The following OSTM1 variants were observed in gnomAD, a reference collection of about 807,000 sequenced individuals.
OSTM1 encodes osteopetrosis-associated transmembrane protein 1.
In OSTM1, 26 loss-of-function variants were observed where a neutral mutation model predicts 35.4. The ratio of observed to expected loss-of-function variants is 0.73; its 90% CI spans 0.54 to 1.02. The LOEUF is 1.02. Ranked by LOEUF, OSTM1 falls within the 50% of genes least tolerant of loss-of-function variation. OSTM1 has a pLI of 0.00. For synonymous variants in OSTM1, 181 were observed against 165.0 expected (o/e 1.10, Z -0.75); for missense variants, 366 against 409.6 (o/e 0.89, Z 0.92).
chr6:108,049,730 C>T, intron 4 of OSTM1: 1 of 269,016 alleles, frequency 3.7e-6, no homozygotes, highest in Non-Finnish European at 6.9e-6. Context: ...ATAGTTAGGC[C>T]CTGTTTTATT....
intron 4 of OSTM1, among the ~76,000 whole-genome samples, chr6:108,050,746 A>G (rs952093955): frequency 6.6e-5 from 10 of 152,158 alleles, no homozygotes; most frequent in African/African-American, 2.4e-4. Flanking sequence ...AATGGCACAT[A>G]TTTTCAAATT....
chr6:108,072,831 C>T (rs1308495087), intron 1 of OSTM1, among the ~76,000 whole-genome samples: 1 of 152,058 alleles, frequency 6.6e-6, no homozygotes, highest in Non-Finnish European at 1.5e-5. Flanking sequence ...AATCTTGGCT[C>T]ACCCCAACCT....
rs995013101 is a variant in OSTM1 at position 108,042,702 on chromosome 6, G to A, written c.*2083C>T. The stretch of plus-strand genomic sequence containing the variant: ...GCTGCAAATACAGGTATGAGACACT[G>A]TGTCCAGCTGATGGTACTCATAAAA... On this transcript the variant is annotated 3_prime_UTR_variant, in exon 6 of 6. Transcript: ENST00000193322. 6.6e-6 allele frequency: 1 copy of A among 152,102 alleles called. No homozygotes were observed. Among genetic ancestry groups the A allele is most frequent in the Admixed American group, 6.6e-5 (1 of 15,262 alleles). 9.4% of individuals were successfully genotyped at this position (152,102 alleles called of 1,614,324 possible).
In OSTM1 at chr6:108,041,997, C is replaced by G. The variant is rs1771874896; in HGVS notation, c.*2788G>C. 1 of 152,086 alleles carries G rather than the reference C, an allele frequency of 6.6e-6. No homozygotes were observed. Among genetic ancestry groups the G allele is most frequent in the African/African-American group, 2.4e-5 (1 of 41,404 alleles). The allele number at this position is 152,086 out of a possible 1,614,324, so 9.4% of individuals were successfully genotyped here. On this transcript the variant is annotated 3_prime_UTR_variant, in exon 6 of 6. Transcript: ENST00000193322. ...GTCTATTACTTATTTGATGTCATGT[C>G]TTTGGCCAGGAATGCAATCCTAATT...
At chr6:108,065,217 A>G (rs1772355834) in intron 1 of OSTM1, among the ~76,000 whole-genome samples, 1 of 151,620 alleles carries the variant, frequency 6.6e-6, no homozygotes. Context: ...TACCAGCCAT[A>G]GAAGAAAATT....
At chr6:108,073,041 C>T (rs1772514433) in intron 1 of OSTM1, among the ~76,000 whole-genome samples, 2 of 152,194 alleles carry the variant, frequency 1.3e-5, no homozygotes. Flanking sequence ...AACTCCTGAC[C>T]TCAGGTGATC....
intron 3 of OSTM1, among the ~76,000 whole-genome samples, chr6:108,052,998 C>T (rs1772106288): frequency 6.6e-6 from 1 of 152,198 alleles, no homozygotes; most frequent in Non-Finnish European, 1.5e-5. Context: ...GAACCTCTCC[C>T]TTTTTGCTAA....
At chr6:108,074,153 G>T (rs1772539711) in intron 1 of OSTM1, 97 bp downstream of exon 1, 7 of 1,224,688 alleles carry the variant, frequency 5.7e-6, no homozygotes, top group Admixed American at 4.1e-5. Flanking sequence ...TTTTCTTACT[G>T]TTGGGGAAAC....
chr6:108,056,787 C>A (rs1201729121), intron 2 of OSTM1, among the ~76,000 whole-genome samples: 1 of 152,178 alleles, frequency 6.6e-6, no homozygotes, highest in Non-Finnish European at 1.5e-5. Flanking sequence ...CTCACATACT[C>A]TACATTCTCT....
chr6:108,055,702 C>G (rs1772159794), intron 2 of OSTM1, among the ~76,000 whole-genome samples: 1 of 152,152 alleles, frequency 6.6e-6, no homozygotes, highest in Admixed American at 6.6e-5. Flanking sequence ...ACTTTCTGTA[C>G]TCTCAGTCTG....
intron 1 of OSTM1, among the ~76,000 whole-genome samples, chr6:108,070,934 A>G (rs1321853029): frequency 6.6e-6 from 1 of 150,846 alleles, no homozygotes; most frequent in Non-Finnish European, 1.5e-5. Flanking sequence ...CACACCTGTA[A>G]TCCCAGCACT....
chr6:108,055,953 T>A (rs1293480637), intron 2 of OSTM1, among the ~76,000 whole-genome samples: 1 of 152,112 alleles, frequency 6.6e-6, no homozygotes. Context: ...TCAGATAGGA[T>A]CTCTCTCAAC....
Position 108,049,298 on chromosome 6 carries a change from T to C in OSTM1, c.904A>G (p.Ser302Gly). 3 of 1,613,210 alleles carry C rather than the reference T, an allele frequency of 1.9e-6. No individual in the cohort carries two copies. The highest frequency in any genetic ancestry group is 2.5e-6 in the Non-Finnish European group (3 of 1,179,270). The change falls in exon 5 of 6, where the codon AGT (serine) becomes GGT (glycine). Residue 302 changes from serine (S) to glycine (G), a missense_variant. By Grantham distance (56) the Ser-to-Gly change is moderately conservative. Transcript: ENST00000193322. ...TTTTGCTCTGAGTGAAGAAAGCTAC[T>C]AAGGTAGAAGACAACAGGTAGAAAG... The part of the protein sequence containing the change: ...ILFLPVVFYL[S>G]SFLHSEQKKR...
In OSTM1 at chr6:108,074,713, G is replaced by A. The variant is rs1582402870; in HGVS notation, c.-62C>T. On this transcript the variant is annotated 5_prime_UTR_variant, in exon 1 of 6. Transcript: ENST00000193322. ...CTCTCCGCCCCCAGCCGGCACCGCG[G>A]ACAGCCGCCGCTTCCGGTTTCCGCG... The A allele has an allele frequency of 2.8e-6, 4 of 1,432,668 alleles. No individual in the cohort carries two copies. Among genetic ancestry groups the A allele is most frequent in the East Asian group, 2.9e-5 (1 of 35,028 alleles). 88.7% of individuals were successfully genotyped at this position (1,432,668 alleles called of 1,614,324 possible). A position where few individuals can be genotyped will look rare whatever the true frequency, so the allele number is the denominator to read the frequency against.
chr6:108,049,147 G>T, intron 5 of OSTM1, 106 bp downstream of exon 5: 1 of 742,860 alleles, frequency 1.3e-6, no homozygotes, highest in Non-Finnish European at 2.3e-6. Context: ...AGTCCTTTTA[G>T]GCTAATCTAC....
intron 1 of OSTM1, among the ~76,000 whole-genome samples, chr6:108,067,926 T>C (rs1772409458): frequency 6.7e-6 from 1 of 150,370 alleles, no homozygotes; most frequent in Admixed American, 6.7e-5. Context: ...TATCTCCCCA[T>C]CAAGGCCAAA....
chr6:108,058,027 T>A (rs760761100), intron 2 of OSTM1, among the ~76,000 whole-genome samples: 8 of 150,276 alleles, frequency 5.3e-5, no homozygotes, highest in Non-Finnish European at 1.0e-4. Context: ...GGCTCAGGCA[T>A]CAGCTTAAGA....
chr6:108,071,604 C>A (rs1053410562), intron 1 of OSTM1, among the ~76,000 whole-genome samples: 2 of 151,658 alleles, frequency 1.3e-5, no homozygotes, highest in African/African-American at 4.9e-5. Context: ...CGAGCCACCA[C>A]ACCTGGCCTC....
intron 4 of OSTM1, among the ~76,000 whole-genome samples, chr6:108,050,135 C>T (rs1036134621): frequency 6.6e-6 from 1 of 151,898 alleles, no homozygotes; most frequent in South Asian, 2.1e-4. Context: ...TTTATTAAGC[C>T]CATTATATGC....
Sources: allele counts gnomAD v4.1 joint callset (sites outside exome capture counted in the v4.1 genomes callset), GRCh38; gene constraint gnomAD v4.1.1; transcripts MANE v1.5; gene names NCBI Gene and HGNC (gene_info 2026-07-23, HGNC 2026-07-21).